The following PEBP4 variants were observed in gnomAD, a reference collection of about 807,000 sequenced individuals.
PEBP4 encodes the protein phosphatidylethanolamine-binding protein 4.
PEBP4 carries 22 observed loss-of-function variants against 23.9 expected under a neutral mutation model. The ratio of observed to expected loss-of-function variants is 0.92; its 90% confidence interval spans 0.66 to 1.31. The LOEUF is 1.31. PEBP4 is among the 40% of genes most tolerant of loss of function. PEBP4 has a pLI of 0.00. For missense variants in PEBP4, 324 were observed against 281.7 expected (o/e 1.15, Z -1.07); for synonymous variants, 112 against 99.3 (o/e 1.13, Z -0.76).
intron 4 of PEBP4, among the ~76,000 whole-genome samples, chr8:22,736,147 A>G (rs1353673991): frequency 6.6e-6 from 1 of 152,000 alleles, no homozygotes; most frequent in Non-Finnish European, 1.5e-5. Context: ...AGTCCCTGAC[A>G]CTCAGAGAGC....
intron 4 of PEBP4, among the ~76,000 whole-genome samples, chr8:22,742,178 T>A (rs959181715): frequency 6.6e-6 from 1 of 152,146 alleles, no homozygotes; most frequent in Admixed American, 6.5e-5. Flanking sequence ...CCCTAGAACT[T>A]TTTGCTGTGA....
intron 4 of PEBP4, among the ~76,000 whole-genome samples, chr8:22,802,736 G>A (rs1329908592): frequency 6.6e-6 from 1 of 152,230 alleles, no homozygotes; most frequent in Admixed American, 6.5e-5. Context: ...AGGGAATCGC[G>A]AGGAACTTGG....
intron 4 of PEBP4, among the ~76,000 whole-genome samples, chr8:22,810,680 G>T (rs904212283): frequency 9.1e-6 from 1 of 109,588 alleles, no homozygotes; most frequent in African/African-American, 2.8e-5. Flanking sequence ...GTGTGTGTGT[G>T]TGTGTGTGTG....
At chr8:22,880,535 G>A (rs180918616) in intron 3 of PEBP4, 151 of 149,632 alleles carry the variant, frequency 1.0e-3, no homozygotes, top group Non-Finnish European at 1.6e-3. Context: ...TACGTGTTTT[G>A]TTTCTGATGC....
At chr8:22,840,398 CTTCTT>C (rs1212031740) in intron 3 of PEBP4, among the ~76,000 whole-genome samples, 3 of 150,718 alleles carry the variant, frequency 2.0e-5, no homozygotes, top group Admixed American at 6.6e-5. Context: ...AAAATTTTTT[CTTCTT>C]TTAATTTTTT....
intron 4 of PEBP4, among the ~76,000 whole-genome samples, chr8:22,795,052 TC>T (rs1452796915): frequency 6.7e-6 from 1 of 150,364 alleles, no homozygotes; most frequent in Non-Finnish European, 1.5e-5. Flanking sequence ...CTGTTTCAGA[TC>T]TTGCTATTCA....
intron 3 of PEBP4, among the ~76,000 whole-genome samples, chr8:22,850,358 A>T (rs1404804482): frequency 6.6e-6 from 1 of 152,208 alleles, no homozygotes; most frequent in Non-Finnish European, 1.5e-5. Flanking sequence ...AGACTGCCTG[A>T]TGGTGGGAAG....
intron 3 of PEBP4, among the ~76,000 whole-genome samples, chr8:22,826,244 G>T (rs948878408): frequency 3.3e-5 from 5 of 152,200 alleles, no homozygotes; most frequent in African/African-American, 1.2e-4. Context: ...AAGGCAGGAT[G>T]AAATCCAAGT....
chr8:22,934,601 C>T (rs917333348), intron 1 of PEBP4, among the ~76,000 whole-genome samples: 1 of 152,128 alleles, frequency 6.6e-6, no homozygotes, highest in Admixed American at 6.5e-5. Context: ...GCTTGGGAGG[C>T]TGAGGTGAGA....
intron 3 of PEBP4, among the ~76,000 whole-genome samples, chr8:22,911,630 C>T (rs955066733): frequency 6.6e-6 from 1 of 152,228 alleles, no homozygotes; most frequent in African/African-American, 2.4e-5. Flanking sequence ...CTGTAGCATT[C>T]AAAATGCTCT....
At chr8:22,938,037 T>C (rs529451070) in intron 1 of PEBP4, among the ~76,000 whole-genome samples, 77 of 152,214 alleles carry the variant, frequency 5.1e-4, no homozygotes, top group African/African-American at 1.7e-3. Flanking sequence ...TTGATTTACA[T>C]AGGACACCAA....
In PEBP4 at chr8:22,713,581, T is replaced by C. The variant is rs900212347; in HGVS notation, c.518-45A>G. Reference sequence around the variant, plus strand: ...ACAGGGAGGCAGTGAGAAAGAGCCATGGACTTGAAAGCTGGCAGGGGCCTG... The same window carrying C: ...ACAGGGAGGCAGTGAGAAAGAGCCACGGACTTGAAAGCTGGCAGGGGCCTG... On this transcript the variant is annotated intron_variant, in intron 6 of 6. Coordinates refer to ENST00000256404, the MANE Select transcript of PEBP4 (RefSeq NM_144962.3). The C allele has an allele frequency of 3.7e-6, 6 of 1,613,148 alleles. No homozygotes were observed. The African/African-American group carries it at 6.7e-5, about 18-fold the overall frequency.
At chr8:22,814,930 A>G (rs1806706814) in intron 4 of PEBP4, 1 of 152,034 alleles carries the variant, frequency 6.6e-6, no homozygotes, top group African/African-American at 2.4e-5. Context: ...CTTCCTTGTT[A>G]TAGAGAGGGG....
At chr8:22,900,835 C>T (rs1808696885) in intron 3 of PEBP4, among the ~76,000 whole-genome samples, 1 of 152,056 alleles carries the variant, frequency 6.6e-6, no homozygotes, top group South Asian at 2.1e-4. Flanking sequence ...GGCTCACAGG[C>T]TAAAACTAGG....
intron 3 of PEBP4, among the ~76,000 whole-genome samples, chr8:22,913,541 GCCCCTGCGGCCA>G (rs1808994825): frequency 6.6e-6 from 1 of 151,910 alleles, no homozygotes; most frequent in African/African-American, 2.4e-5. Context: ...GCCCCCTCCA[GCCCCTGCGGCCA>G]CACCTGCACC....
At chr8:22,823,987 G>T (rs1163365683) in intron 3 of PEBP4, among the ~76,000 whole-genome samples, 1 of 152,034 alleles carries the variant, frequency 6.6e-6, no homozygotes, top group Admixed American at 6.6e-5. Context: ...GAGTTTTTAA[G>T]GTATGTAGAA....
At chr8:22,883,346 A>G (rs1189455644) in intron 3 of PEBP4, among the ~76,000 whole-genome samples, 2 of 152,084 alleles carry the variant, frequency 1.3e-5, no homozygotes, top group African/African-American at 4.8e-5. Flanking sequence ...CCACATCACC[A>G]CTGCTTTGCA....
intron 3 of PEBP4, among the ~76,000 whole-genome samples, chr8:22,864,653 T>C (rs1384903582): frequency 3.3e-5 from 5 of 152,240 alleles, no homozygotes; most frequent in Non-Finnish European, 7.3e-5. Context: ...TAAAGGGCTC[T>C]GAGCGCTGCA....
At chr8:22,765,238 T>A (rs993075777) in intron 4 of PEBP4, among the ~76,000 whole-genome samples, 1 of 151,892 alleles carries the variant, frequency 6.6e-6, no homozygotes, top group African/African-American at 2.4e-5. Context: ...CCCCTTCTCA[T>A]GTTCAAGCGA....
Sources: allele counts gnomAD v4.1 joint callset (sites outside exome capture counted in the v4.1 genomes callset), GRCh38; gene constraint gnomAD v4.1.1; transcripts MANE v1.5; gene names NCBI Gene and HGNC (gene_info 2026-07-23, HGNC 2026-07-21).